The following SYT9 variants were observed in gnomAD, a reference collection of about 807,000 sequenced individuals.
SYT9 encodes the protein synaptotagmin-9.
SYT9 carries 22 observed loss-of-function variants against 48.4 expected under a neutral mutation model. The ratio of observed to expected loss-of-function variants is 0.45; its 90% CI spans 0.32 to 0.65. SYT9 has a LOEUF of 0.65. SYT9 is among the 30% of genes least tolerant of loss of function. The pLI is 0.03. For synonymous variants in SYT9, 265 were observed against 245.0 expected (o/e 1.08, Z -0.76); for missense variants, 577 against 622.0 (o/e 0.93, Z 0.77).
chr11:7,347,236 A>ATAT (rs1554909993), intron 3 of SYT9, among the ~76,000 whole-genome samples: 5 of 149,498 alleles, frequency 3.3e-5, no homozygotes, highest in African/African-American at 1.2e-4. Flanking sequence ...TCATCAAAAT[A>ATAT]TTTTTTTTTT....
intron 6 of SYT9, chr11:7,437,532 A>C (rs1471228789): frequency 1.3e-5 from 2 of 152,214 alleles, no homozygotes; most frequent in Non-Finnish European, 2.9e-5. Context: ...ATGCACTTTG[A>C]AAACGACCAC....
At chr11:7,452,139 ACACACACACT>A (rs1173252340) in intron 6 of SYT9, among the ~76,000 whole-genome samples, 170 of 151,996 alleles carry the variant, frequency 1.1e-3, no homozygotes, top group Admixed American at 4.0e-3. Flanking sequence ...ACACACACAC[ACACACACACT>A]GAGGAAAAAC....
At chr11:7,358,356 G>T (rs1850062950) in intron 3 of SYT9, among the ~76,000 whole-genome samples, 2 of 151,898 alleles carry the variant, frequency 1.3e-5, no homozygotes, top group South Asian at 4.2e-4. Flanking sequence ...TTTTATATTT[G>T]GTTATTAAAT....
rs184441603 is a variant in SYT9 at position 7,467,891 on chromosome 11, T to C, written c.*1091T>C. On this transcript the variant is annotated 3_prime_UTR_variant, in exon 7 of 7. Transcript: ENST00000318881. The stretch of plus-strand genomic sequence containing the variant: ...TTGGGGATGGAAATACCTACAAGAG[T>C]GAAGGTCAAGGGCCCTCCCCAGGCA... 1.1e-4 allele frequency: 19 copies of C among 177,958 alleles called. No homozygotes were observed. Among genetic ancestry groups the C allele is most frequent in the Non-Finnish European group, 1.4e-4 (12 of 85,520 alleles). 11.0% of individuals were successfully genotyped at this position (177,958 alleles called of 1,614,324 possible). A position where few individuals can be genotyped will look rare whatever the true frequency, so the allele number is the denominator to read the frequency against.
intron 6 of SYT9, among the ~76,000 whole-genome samples, chr11:7,449,213 G>A (rs1015723492): frequency 8.0e-5 from 12 of 150,884 alleles, no homozygotes; most frequent in Non-Finnish European, 1.2e-4. Flanking sequence ...GCATGGTGGT[G>A]GATGCCTATA....
rs150603206 is a variant in SYT9 at position 7,314,948 on chromosome 11, A to G, written c.1044+1007A>G. 1.5e-3 allele frequency among the ~76,000 whole-genome samples: 233 copies of G among 152,268 alleles called. 1 individual carries two copies. The highest frequency in any genetic ancestry group is 5.4e-3 in the African/African-American group (223 of 41,540). On this transcript the variant is annotated intron_variant, in intron 3 of 6. Transcript: ENST00000318881. ...AAGACTAATCTCTGCCTAATGACCA[A>G]ATACCTGCACCAGTACCCTCTTATC...
At chr11:7,388,795 C>G (rs1029540528) in intron 3 of SYT9, among the ~76,000 whole-genome samples, 1 of 152,070 alleles carries the variant, frequency 6.6e-6, no homozygotes, top group Non-Finnish European at 1.5e-5. Context: ...TTATAGATTT[C>G]GAGTTTAATT....
chr11:7,250,812 T>C (rs568752043), upstream of SYT9, among the ~76,000 whole-genome samples: 3 of 152,232 alleles, frequency 2.0e-5, no homozygotes, highest in African/African-American at 7.2e-5. Context: ...ACCTCATGGC[T>C]AAGAATGATA....
chr11:7,385,533 A>C (rs151232797), intron 3 of SYT9, among the ~76,000 whole-genome samples: 4 of 151,954 alleles, frequency 2.6e-5, no homozygotes, highest in Non-Finnish European at 5.9e-5. Context: ...CAGATTGAAA[A>C]ACTGCCTGCT....
intron 1 of SYT9, among the ~76,000 whole-genome samples, chr11:7,269,275 G>GA (rs1446984890): frequency 6.6e-6 from 1 of 151,852 alleles, no homozygotes; most frequent in Non-Finnish European, 1.5e-5. Context: ...AACTATTTGG[G>GA]AAAAAACATT....
chr11:7,306,306 C>T (rs1235706638), intron 2 of SYT9, among the ~76,000 whole-genome samples: 2 of 152,192 alleles, frequency 1.3e-5, no homozygotes, highest in Non-Finnish European at 2.9e-5. Context: ...GAAAGTTCAT[C>T]CTATTTTTCT....
intron 1 of SYT9, among the ~76,000 whole-genome samples, chr11:7,288,845 C>G (rs1848646798): frequency 6.6e-6 from 1 of 152,242 alleles, no homozygotes; most frequent in African/African-American, 2.4e-5. Flanking sequence ...CCTGCTCTCT[C>G]TATGGCTGCT....
chr11:7,390,338 G>T, intron 3 of SYT9, among the ~76,000 whole-genome samples: 1 of 152,068 alleles, frequency 6.6e-6, no homozygotes, highest in Admixed American at 6.6e-5. Flanking sequence ...ATTCCACTGT[G>T]TATAAATATT....
At chr11:7,283,673 A>G (rs1848545245) in intron 1 of SYT9, among the ~76,000 whole-genome samples, 1 of 152,152 alleles carries the variant, frequency 6.6e-6, no homozygotes, top group Non-Finnish European at 1.5e-5. Flanking sequence ...AGCCAAGAAG[A>G]CTTTTTAATA....
chr11:7,244,555 C>T (rs1358170950), intron 1 of SYT9, among the ~76,000 whole-genome samples: 1 of 152,162 alleles, frequency 6.6e-6, no homozygotes, highest in African/African-American at 2.4e-5. Flanking sequence ...GGGTCTAAAG[C>T]AAATGTTAGA....
intron 2 of SYT9, among the ~76,000 whole-genome samples, chr11:7,305,958 A>G (rs1849022704): frequency 6.6e-6 from 1 of 151,994 alleles, no homozygotes; most frequent in African/African-American, 2.4e-5. Context: ...CCTTTTTGAA[A>G]TGTCCTAAAG....
At chr11:7,324,506 A>G (rs537923923) in intron 3 of SYT9, among the ~76,000 whole-genome samples, 12 of 151,942 alleles carry the variant, frequency 7.9e-5, no homozygotes, top group South Asian at 2.1e-4. Context: ...TCTTTTAAAA[A>G]CTTTTTTAAA....
At chr11:7,297,298 TTAATA>T (rs1848832319) in intron 1 of SYT9, among the ~76,000 whole-genome samples, 1 of 152,126 alleles carries the variant, frequency 6.6e-6, no homozygotes, top group Admixed American at 6.5e-5. Context: ...AGTAGAGAGG[TTAATA>T]TAATAAACTC....
At chr11:7,427,692 G>A (rs1196477184) in intron 6 of SYT9, 1 of 152,148 alleles carries the variant, frequency 6.6e-6, no homozygotes, top group Non-Finnish European at 1.5e-5. Context: ...TAGGAATGGG[G>A]TATTTTTTGA....
Sources: allele counts gnomAD v4.1 joint callset (sites outside exome capture counted in the v4.1 genomes callset), GRCh38; gene constraint gnomAD v4.1.1; transcripts MANE v1.5; gene names NCBI Gene and HGNC (gene_info 2026-07-23, HGNC 2026-07-21).